The following CAMTA1 variants were observed in gnomAD, a reference collection of about 807,000 sequenced individuals.
CAMTA1 encodes calmodulin binding transcription activator 1.
CAMTA1 carries 27 observed loss-of-function variants against 170.9 expected under a neutral mutation model. The ratio of observed to expected loss-of-function variants is 0.16; its 90% CI spans 0.12 to 0.22. CAMTA1 has a LOEUF of 0.22. CAMTA1 is among the 10% of genes least tolerant of loss of function. CAMTA1 has a pLI of 1.00. For synonymous variants in CAMTA1, 833 were observed against 891.5 expected (o/e 0.93, Z 1.17); for missense variants, 1,619 against 2,217.2 (o/e 0.73, Z 5.42).
chr1:7,596,003 G>A (rs2095396646), intron 6 of CAMTA1, among the ~76,000 whole-genome samples: 1 of 152,200 alleles, frequency 6.6e-6, no homozygotes, highest in Non-Finnish European at 1.5e-5. Context: ...TGGCTTCCTG[G>A]GGACCCCGGC....
At chr1:6,926,488 C>CTTTCTTTCTT (rs749163108) in intron 3 of CAMTA1, among the ~76,000 whole-genome samples, 14 of 125,766 alleles carry the variant, frequency 1.1e-4, no homozygotes, top group South Asian at 1.0e-3. Flanking sequence ...TTCTTTCTTT[C>CTTTCTTTCTT]TCTCTCTCTT....
At chr1:7,276,379 G>T (rs59455940) in intron 5 of CAMTA1, among the ~76,000 whole-genome samples, 1 of 143,452 alleles carries the variant, frequency 7.0e-6, no homozygotes, top group African/African-American at 2.7e-5. Context: ...GTGTGACGTC[G>T]CCTCACTGCA....
rs1433682888 is a variant in CAMTA1, at chr1:7,299,773, C to G, written c.438+50147C>G. Among the ~76,000 whole-genome samples, 14 of 152,206 alleles carry G rather than the reference C, an allele frequency of 9.2e-5. No individual in the cohort carries two copies. Among genetic ancestry groups the G allele is most frequent in the Admixed American group, 9.2e-4 (14 of 15,284 alleles). On this transcript the variant is annotated intron_variant, in intron 5 of 22. Coordinates refer to ENST00000303635, the MANE Select transcript of CAMTA1 (RefSeq NM_015215.4). The surrounding 1 kb of genome is among the most constrained non-coding windows in gnomAD (Gnocchi z 4.7). The stretch of plus-strand genomic sequence containing the variant: ...CACTGAGACAGGATTTCTAGCCCCT[C>G]TCTTTGGTTTGTGTCATTTTGCTTT...
At chr1:7,331,020 A>G (rs995541830) in intron 5 of CAMTA1, among the ~76,000 whole-genome samples, 3 of 152,136 alleles carry the variant, frequency 2.0e-5, no homozygotes, top group African/African-American at 7.2e-5. Context: ...CGGGTGGATC[A>G]CCTGAGGTCA....
chr1:7,095,405 G>A (rs1641954086), intron 4 of CAMTA1, among the ~76,000 whole-genome samples: 1 of 152,196 alleles, frequency 6.6e-6, no homozygotes, highest in African/African-American at 2.4e-5. Context: ...GGTTGAGCCA[G>A]CACTGTGTTC....
chr1:7,067,820 G>A lies in CAMTA1; in HGVS notation c.235-23484G>A, dbSNP rs535036041. On this transcript the variant is annotated intron_variant, in intron 3 of 22. Transcript: ENST00000303635. The surrounding 1 kb of genome is among the most constrained non-coding windows in gnomAD (Gnocchi z 4.3). ...AGTCCCAGGGGATAAACCTAGATCC[G>A]TCTAAGCCCATCATGGTCAGTGATT... Among the ~76,000 whole-genome samples, 26 of 152,282 alleles carry A rather than the reference G, an allele frequency of 1.7e-4. No homozygotes were observed. The highest frequency in any genetic ancestry group is 5.1e-4 in the African/African-American group (21 of 41,558).
intron 6 of CAMTA1, among the ~76,000 whole-genome samples, chr1:7,538,082 C>T (rs1311297262): frequency 6.6e-6 from 1 of 152,222 alleles, no homozygotes; most frequent in East Asian, 1.9e-4. Context: ...AAGCTTGGAG[C>T]CCTCATTTGC....
At chr1:7,492,314 C>T (rs2093715918) in intron 6 of CAMTA1, among the ~76,000 whole-genome samples, 3 of 152,174 alleles carry the variant, frequency 2.0e-5, no homozygotes, top group Non-Finnish European at 4.4e-5. Context: ...CTCTGCCCTG[C>T]TTAGGGCTGG....
intron 3 of CAMTA1, among the ~76,000 whole-genome samples, chr1:7,001,897 C>CTTCTT (rs777475717): frequency 1.9e-3 from 257 of 137,376 alleles, no homozygotes; most frequent in African/African-American, 6.1e-3. Context: ...TCTTCTTCTT[C>CTTCTT]TTTTTTTTTT....
chr1:7,698,638 C>T (rs1242183302), intron 11 of CAMTA1: 1 of 150,440 alleles, frequency 6.6e-6, no homozygotes, highest in Non-Finnish European at 1.5e-5. Context: ...CTCTGCAAAG[C>T]TCCCCCTTTC....
intron 5 of CAMTA1, among the ~76,000 whole-genome samples, chr1:7,279,936 G>A (rs965615724): frequency 2.0e-5 from 3 of 152,178 alleles, no homozygotes; most frequent in Non-Finnish European, 4.4e-5. Flanking sequence ...GGGTTGGAAG[G>A]GAGAGCAGGA....
rs1037801723 is a variant in CAMTA1 at position 7,580,981 on chromosome 1, G to T, written c.511-59419G>T. Among the ~76,000 whole-genome samples, 1 of 152,218 alleles carries T rather than the reference G, an allele frequency of 6.6e-6. No individual in the cohort carries two copies. Among genetic ancestry groups the T allele is most frequent in the Non-Finnish European group, 1.5e-5 (1 of 68,038 alleles). ...ACCCTAAAAGGTTGTTGAGAAAATG[G>T]AACGACTGCAGAGCTTAGTAAAGTG... On this transcript the variant is annotated intron_variant, in intron 6 of 22. Coordinates refer to ENST00000303635, the MANE Select transcript of CAMTA1 (RefSeq NM_015215.4). The surrounding 1 kb of genome is among the most constrained non-coding windows in gnomAD (Gnocchi z 4.3).
chr1:6,986,039 C>G (rs369092197), intron 3 of CAMTA1, among the ~76,000 whole-genome samples: 2 of 152,212 alleles, frequency 1.3e-5, no homozygotes, highest in East Asian at 1.9e-4. Flanking sequence ...CACTTTAAGA[C>G]TTTTACAAGG....
chr1:6,988,698 G>A (rs1200824883), intron 3 of CAMTA1, among the ~76,000 whole-genome samples: 4 of 151,886 alleles, frequency 2.6e-5, no homozygotes, highest in African/African-American at 7.3e-5. Flanking sequence ...TTGGAGTCCC[G>A]TCCAACGGGT....
rs1023781869 is a variant in CAMTA1 at position 7,532,055 on chromosome 1, G to A, written c.510+64154G>A. On this transcript the variant is annotated intron_variant, in intron 6 of 22. Transcript: ENST00000303635. This position sits in a 1 kb window ranked among gnomAD's most constrained non-coding sequence, Gnocchi z 4.2. ...AAGGAAATGAAAGCAGTGGAAGAAAGGCAGAGAGGAAGGGGCAGGGGCGGC... is the reference window on the plus strand; with the variant it reads ...AAGGAAATGAAAGCAGTGGAAGAAAAGCAGAGAGGAAGGGGCAGGGGCGGC... 3.3e-5 allele frequency among the ~76,000 whole-genome samples: 5 copies of A among 152,260 alleles called. No individual in the cohort carries two copies. The highest frequency in any genetic ancestry group is 1.2e-4 in the African/African-American group (5 of 41,474).
At chr1:7,600,896 A>C (rs1576330121) in intron 6 of CAMTA1, among the ~76,000 whole-genome samples, 2 of 151,446 alleles carry the variant, frequency 1.3e-5, no homozygotes, top group African/African-American at 4.8e-5. Flanking sequence ...CTACACAGAC[A>C]TGGCAACCAT....
chr1:7,339,594 GT>G (rs1192236845), intron 5 of CAMTA1, among the ~76,000 whole-genome samples: 1 of 151,798 alleles, frequency 6.6e-6, no homozygotes, highest in Admixed American at 6.6e-5. Context: ...TTTGTTGGTT[GT>G]TTTTTTGTTT....
At chr1:6,831,941 G>A (rs952734453) in intron 3 of CAMTA1, among the ~76,000 whole-genome samples, 4 of 152,076 alleles carry the variant, frequency 2.6e-5, no homozygotes, top group Admixed American at 6.5e-5. Flanking sequence ...CTTTTTATAG[G>A]AGGAAACTTA....
intron 6 of CAMTA1, among the ~76,000 whole-genome samples, chr1:7,602,396 G>A (rs2150583774): frequency 2.0e-5 from 3 of 152,172 alleles, no homozygotes; most frequent in Admixed American, 2.0e-4. Context: ...GAGTGTATGT[G>A]TCGAGGAATT....
Sources: gnomAD v4.1 joint callset for allele counts (sites outside exome capture counted in the v4.1 genomes callset) on GRCh38, gnomAD v4.1.1 for gene constraint, Gnocchi (gnomAD v3.1) non-coding constraint, MANE v1.5 for transcripts, NCBI Gene and HGNC (gene_info 2026-07-23, HGNC 2026-07-21) for gene names.